The following GALNT18 variants were observed in gnomAD, a reference collection of about 807,000 sequenced individuals.
GALNT18 encodes GalNAc-transferase 18.
In GALNT18, 44 loss-of-function variants were observed where a neutral mutation model predicts 69.5. The ratio of observed to expected loss-of-function variants is 0.63; its 90% CI spans 0.50 to 0.81. The LOEUF is 0.81. Ranked by LOEUF, GALNT18 falls within the 40% of genes least tolerant of loss-of-function variation. GALNT18 has a pLI of 0.00. For missense variants in GALNT18, 715 were observed against 810.0 expected (o/e 0.88, Z 1.42); for synonymous variants, 364 against 318.2 (o/e 1.14, Z -1.53).
chr11:11,377,184 G>T lies in GALNT18; in HGVS notation c.975C>A (p.Ile325=), dbSNP rs372790880. The T allele has an allele frequency of 7.7e-5, 124 of 1,612,684 alleles. No individual in the cohort carries two copies. The highest frequency in any genetic ancestry group is 1.0e-4 in the Non-Finnish European group (123 of 1,179,978). ...WWKLENSTAP[I]RSPALIGCFI... ...CCACAGGTAAAGGTTTGCTTTACCT[G>T]ATTGGCGCTGTGGAGTTCTCCAGCT... The change falls in exon 5 of 11, where the codon ATC becomes ATA. Residue 325 remains isoleucine (I), a splice_region_variant and synonymous_variant. Coordinates refer to ENST00000227756, the MANE Select transcript of GALNT18 (RefSeq NM_198516.3). This position sits in a 1 kb window ranked among gnomAD's most constrained non-coding sequence, Gnocchi z 4.6.
rs192153854 is a variant in GALNT18, at chr11:11,500,387, T to C, written c.236-51451A>G. On this transcript the variant is annotated intron_variant, in intron 1 of 10. Coordinates refer to ENST00000227756, the MANE Select transcript of GALNT18 (RefSeq NM_198516.3). This position sits in a 1 kb window ranked among gnomAD's most constrained non-coding sequence, Gnocchi z 5.0. ...TGTCTGAACCTTTCTGAGGCTTCAT[T>C]TCCTCACATGGAAAGTGGTGATGGT... 1.2e-3 allele frequency among the ~76,000 whole-genome samples: 183 copies of C among 152,322 alleles called. No individual in the cohort carries two copies. Among genetic ancestry groups the C allele is most frequent in the African/African-American group, 3.6e-3 (151 of 41,570 alleles).
At chr11:11,394,901 G>A (rs1479627964) in intron 3 of GALNT18, among the ~76,000 whole-genome samples, 3 of 152,188 alleles carry the variant, frequency 2.0e-5, no homozygotes, top group Non-Finnish European at 4.4e-5. Flanking sequence ...TCTCACCATG[G>A]AAACGACTCA....
intron 8 of GALNT18, among the ~76,000 whole-genome samples, chr11:11,331,066 G>A (rs1850009911): frequency 6.6e-6 from 1 of 152,224 alleles, no homozygotes; most frequent in South Asian, 2.1e-4. Context: ...TGGGTGGAGT[G>A]TGGGGCATCA....
chr11:11,456,866 C>T (rs944162610), intron 1 of GALNT18, among the ~76,000 whole-genome samples: 3 of 152,188 alleles, frequency 2.0e-5, no homozygotes, highest in Non-Finnish European at 4.4e-5. Flanking sequence ...GATATGCCCA[C>T]AGTGCCTGAC....
In GALNT18 at chr11:11,454,381, G is replaced by A. The variant is rs184869694; in HGVS notation, c.236-5445C>T. 5.1e-4 allele frequency among the ~76,000 whole-genome samples: 78 copies of A among 152,204 alleles called. 1 individual carries two copies. The East Asian group carries it at 0.014, about 28-fold the overall frequency. ...TCCTCTGTAAATCTCTTATACCAGA[G>A]AATTACCAGGCTTCTCTCCCAAGTA... On this transcript the variant is annotated intron_variant, in intron 1 of 10. Transcript: ENST00000227756. The surrounding 1 kb of genome is among the most constrained non-coding windows in gnomAD (Gnocchi z 4.2).
chr11:11,559,628 CAT>C (rs1858418902), intron 1 of GALNT18, among the ~76,000 whole-genome samples: 1 of 104,890 alleles, frequency 9.5e-6, no homozygotes, highest in Non-Finnish European at 1.9e-5. Flanking sequence ...TAGAATGAGA[CAT>C]GATGGGATGG....
chr11:11,585,318 T>G (rs1473226893), intron 1 of GALNT18, among the ~76,000 whole-genome samples: 2 of 152,206 alleles, frequency 1.3e-5, no homozygotes, highest in East Asian at 3.8e-4. Context: ...AAAATACTCC[T>G]TCTTTTCCCA....
rs1232591484 is a variant in GALNT18 at position 11,430,410 on chromosome 11, A to G, written c.595+2211T>C. Among the ~76,000 whole-genome samples the G allele has an allele frequency of 6.6e-6, 1 of 152,188 alleles. No homozygotes were observed. Among genetic ancestry groups the G allele is most frequent in the African/African-American group, 2.4e-5 (1 of 41,436 alleles). The stretch of plus-strand genomic sequence containing the variant: ...AGCTTGTTCGGATCTCTCCTTACAT[A>G]GGCAGGCACTGGTTTGGGTGTGCAT... On this transcript the variant is annotated intron_variant, in intron 3 of 10. Coordinates refer to ENST00000227756, the MANE Select transcript of GALNT18 (RefSeq NM_198516.3). This position sits in a 1 kb window ranked among gnomAD's most constrained non-coding sequence, Gnocchi z 4.9.
At chr11:11,529,264 T>C (rs1004723403) in intron 1 of GALNT18, among the ~76,000 whole-genome samples, 1 of 152,206 alleles carries the variant, frequency 6.6e-6, no homozygotes, top group African/African-American at 2.4e-5. Context: ...TTGTATGAGA[T>C]GAACATTTGA....
At chr11:11,355,113 G>GTGTTGCCCTTCAATCCC (rs1240175268) in intron 6 of GALNT18, among the ~76,000 whole-genome samples, 1 of 152,050 alleles carries the variant, frequency 6.6e-6, no homozygotes, top group Non-Finnish European at 1.5e-5. Context: ...CCTTCAATCC[G>GTGTTGCCCTTCAATCCC]TATTGCCCTC....
intron 6 of GALNT18, among the ~76,000 whole-genome samples, chr11:11,348,821 G>A (rs1850349116): frequency 6.6e-6 from 1 of 152,148 alleles, no homozygotes; most frequent in Non-Finnish European, 1.5e-5. Flanking sequence ...TTTGGCTCAT[G>A]CCTTGGCTAT....
intron 1 of GALNT18, among the ~76,000 whole-genome samples, chr11:11,453,106 C>A (rs1286300020): frequency 3.9e-5 from 6 of 152,156 alleles, no homozygotes; most frequent in Admixed American, 3.3e-4. Context: ...GAAGGGGCTG[C>A]TTCACCAGAC....
intron 3 of GALNT18, among the ~76,000 whole-genome samples, chr11:11,411,295 T>C (rs1336373646): frequency 1.3e-5 from 2 of 152,008 alleles, no homozygotes; most frequent in African/African-American, 4.8e-5. Context: ...CTGGACAACA[T>C]TTTTTTCCCG....
chr11:11,545,533 GCA>G (rs1412501501), intron 1 of GALNT18, among the ~76,000 whole-genome samples: 1 of 152,332 alleles, frequency 6.6e-6, no homozygotes, highest in African/African-American at 2.4e-5. Context: ...ATAAGCGCGT[GCA>G]CAGTGTATCC....
At position 11,491,812 on chromosome 11, in the gene GALNT18, G is replaced by A. The variant is rs574447086; in HGVS notation, c.236-42876C>T. On this transcript the variant is annotated intron_variant, in intron 1 of 10. Transcript: ENST00000227756. ...AGTCTACACCACACCACAGAGGTGC[G>A]GACGGGGACCTCTGAGCCAGTCACT... 4.5e-3 allele frequency among the ~76,000 whole-genome samples: 687 copies of A among 152,232 alleles called. 2 individuals are homozygous for A. Among genetic ancestry groups the A allele is most frequent in the Admixed American group, 7.3e-3 (111 of 15,280 alleles).
At chr11:11,530,478 A>T (rs1857621419) in intron 1 of GALNT18, among the ~76,000 whole-genome samples, 1 of 152,204 alleles carries the variant, frequency 6.6e-6, no homozygotes, top group South Asian at 2.1e-4. Context: ...TGGGCAGGAC[A>T]GGCCCGTGAG....
chr11:11,437,946 G>A lies in GALNT18; in HGVS notation c.429-5159C>T, dbSNP rs192988388. 5.9e-3 allele frequency among the ~76,000 whole-genome samples: 897 copies of A among 152,232 alleles called. 5 individuals are homozygous for A. The highest frequency in any genetic ancestry group is 0.02 in the Middle Eastern group (6 of 294). Reference sequence around the variant, plus strand: ...CACTCCAGGCAACCACTCCCCTCAGGGGATCTTCCTGGTCCTGCTTTCTCC... The same window carrying A: ...CACTCCAGGCAACCACTCCCCTCAGAGGATCTTCCTGGTCCTGCTTTCTCC... On this transcript the variant is annotated intron_variant, in intron 2 of 10. Transcript: ENST00000227756.
chr11:11,604,050 A>C lies in GALNT18; in HGVS notation c.235+17309T>G, dbSNP rs1363537303. Reference sequence around the variant, plus strand: ...TGTCTATTCTACCATGTGAAACACAAAGGTGCCATCTACGAGCAAGAAATT... The same window carrying C: ...TGTCTATTCTACCATGTGAAACACACAGGTGCCATCTACGAGCAAGAAATT... On this transcript the variant is annotated intron_variant, in intron 1 of 10. Coordinates refer to ENST00000227756, the MANE Select transcript of GALNT18 (RefSeq NM_198516.3). The surrounding 1 kb of genome is among the most constrained non-coding windows in gnomAD (Gnocchi z 5.6). Among the ~76,000 whole-genome samples, 1 of 152,190 alleles carries C rather than the reference A, an allele frequency of 6.6e-6. No homozygotes were observed.
intron 6 of GALNT18, among the ~76,000 whole-genome samples, chr11:11,348,808 A>G (rs1451312268): frequency 2.6e-5 from 4 of 152,110 alleles, no homozygotes; most frequent in Non-Finnish European, 4.4e-5. Context: ...TGGCTGCCCT[A>G]GTTTTGGCTC....
Sources: allele counts gnomAD v4.1 joint callset (sites outside exome capture counted in the v4.1 genomes callset), GRCh38; gene constraint gnomAD v4.1.1; non-coding constraint Gnocchi (gnomAD v3.1); transcripts MANE v1.5; gene names NCBI Gene and HGNC (gene_info 2026-07-23, HGNC 2026-07-21).